The following NRXN1 variants were observed in gnomAD, a reference collection of about 807,000 sequenced individuals.
NRXN1 encodes neurexin 1, also known as neurexin-1.
Under a neutral mutation model 150.9 loss-of-function variants are expected in NRXN1, and 39 were observed. The ratio of observed to expected loss-of-function variants is 0.26; its 90% CI spans 0.20 to 0.34. The LOEUF is 0.34. Ranked by LOEUF, NRXN1 falls within the 10% of genes least tolerant of loss-of-function variation. The probability of loss-of-function intolerance (pLI) is 1.00; values close to 1 mark genes in which losing one functional copy is unlikely to be tolerated. For synonymous variants in NRXN1, 924 were observed against 757.0 expected (o/e 1.22, Z -3.62); for missense variants, 1,815 against 1,949.9 (o/e 0.93, Z 1.30).
At chr2:50,040,359 A>G (rs1338877799) in intron 21 of NRXN1, among the ~76,000 whole-genome samples, 1 of 150,658 alleles carries the variant, frequency 6.6e-6, no homozygotes, top group East Asian at 1.9e-4. Flanking sequence ...AATATATATC[A>G]AGTATTATAT....
At chr2:50,193,197 A>G (rs1036387436) in intron 18 of NRXN1, among the ~76,000 whole-genome samples, 1 of 152,124 alleles carries the variant, frequency 6.6e-6, no homozygotes, top group Non-Finnish European at 1.5e-5. Flanking sequence ...ATCCTTCCAT[A>G]TCCTCATCAT....
intron 9 of NRXN1, among the ~76,000 whole-genome samples, chr2:50,550,485 T>A (rs1667279024): frequency 6.6e-6 from 1 of 152,014 alleles, no homozygotes; most frequent in Non-Finnish European, 1.5e-5. Context: ...ATCCACAAGC[T>A]AATATTTCAA....
At chr2:50,042,977 G>A (rs577197524) in intron 21 of NRXN1, among the ~76,000 whole-genome samples, 4 of 152,144 alleles carry the variant, frequency 2.6e-5, no homozygotes, top group South Asian at 2.1e-4. Context: ...AGGTACAGTC[G>A]CAAAACAAGA....
At chr2:50,632,417 A>T (rs1220081934) in intron 5 of NRXN1, 2 of 152,068 alleles carry the variant, frequency 1.3e-5, no homozygotes, top group Non-Finnish European at 2.9e-5. Context: ...AGAGTTGGTG[A>T]AAGTGAAATT....
chr2:50,733,621 T>A (rs912438340), intron 5 of NRXN1, among the ~76,000 whole-genome samples: 7 of 152,188 alleles, frequency 4.6e-5, no homozygotes, highest in East Asian at 1.9e-4. Context: ...TTTATTGGGC[T>A]ACCAGAAGTA....
rs556604644 is a variant in NRXN1 at position 50,762,976 on chromosome 2, T to C, written c.833-139361A>G. On this transcript the variant is annotated intron_variant, in intron 5 of 22. Coordinates refer to ENST00000401669, the MANE Select transcript of NRXN1 (RefSeq NM_001330078.2). The stretch of plus-strand genomic sequence containing the variant: ...AGTTGTTGCTCCTGGCTGATTCCTG[T>C]TGTCCCTTTTATAACTAAATAGGCT... 4.6e-5 allele frequency among the ~76,000 whole-genome samples: 7 copies of C among 152,124 alleles called. No homozygotes were observed. The East Asian group carries it at 1.4e-3, about 30-fold the overall frequency.
intron 2 of NRXN1, 37 bp downstream of exon 2, chr2:51,027,465 A>AGGCCCC: frequency 1.3e-6 from 2 of 1,482,422 alleles, no homozygotes; most frequent in South Asian, 2.8e-5. Context: ...AGCCCCGCCC[A>AGGCCCC]GGCCCCGGCC....
chr2:50,983,214 T>C (rs1176840236), intron 2 of NRXN1, among the ~76,000 whole-genome samples: 1 of 152,066 alleles, frequency 6.6e-6, no homozygotes, highest in Non-Finnish European at 1.5e-5. Context: ...TGCTCTTAAT[T>C]GTATATCTCT....
chr2:50,915,697 A>G (rs1184891508), intron 5 of NRXN1, among the ~76,000 whole-genome samples: 2 of 151,464 alleles, frequency 1.3e-5, no homozygotes, highest in East Asian at 3.9e-4. Flanking sequence ...TAAGATAATG[A>G]TACTGTTTTT....
At chr2:50,189,316 T>C (rs2061304979) in intron 18 of NRXN1, among the ~76,000 whole-genome samples, 1 of 150,982 alleles carries the variant, frequency 6.6e-6, no homozygotes, top group East Asian at 2.0e-4. Flanking sequence ...AGTTGAACAA[T>C]GAGAACACAT....
chr2:50,743,893 C>A (rs1469443833), intron 5 of NRXN1, among the ~76,000 whole-genome samples: 1 of 152,106 alleles, frequency 6.6e-6, no homozygotes, highest in African/African-American at 2.4e-5. Context: ...TTAATGGAAA[C>A]AGAAAGTTTC....
chr2:50,351,068 A>T (rs2153000883), intron 17 of NRXN1, among the ~76,000 whole-genome samples: 1 of 152,294 alleles, frequency 6.6e-6, no homozygotes, highest in South Asian at 2.1e-4. Flanking sequence ...ATCTGGATGA[A>T]GCAAATAAAG....
chr2:49,940,135 C>T (rs1671721228), intron 22 of NRXN1, among the ~76,000 whole-genome samples: 1 of 152,074 alleles, frequency 6.6e-6, no homozygotes, highest in Admixed American at 6.6e-5. Context: ...TTAGAAAACT[C>T]ATGAGTAAAT....
chr2:50,068,287 C>T (rs962620827), intron 19 of NRXN1, among the ~76,000 whole-genome samples: 4 of 152,026 alleles, frequency 2.6e-5, no homozygotes, highest in South Asian at 2.1e-4. Flanking sequence ...TAATTGCTAG[C>T]CCCATTCAAT....
At chr2:50,501,912 T>C (rs1181512236) in intron 13 of NRXN1, among the ~76,000 whole-genome samples, 1 of 152,142 alleles carries the variant, frequency 6.6e-6, no homozygotes, top group Admixed American at 6.5e-5. Context: ...CTTAAAGATA[T>C]GGGAAAATGT....
chr2:50,853,893 A>C (rs992396762), intron 5 of NRXN1, among the ~76,000 whole-genome samples: 3 of 152,080 alleles, frequency 2.0e-5, no homozygotes, highest in Admixed American at 1.3e-4. Flanking sequence ...TGCCAATATA[A>C]ACTGTTAATT....
intron 5 of NRXN1, among the ~76,000 whole-genome samples, chr2:50,736,751 C>T (rs2352076): frequency 0.046 from 6,962 of 152,166 alleles, 410 homozygotes; most frequent in East Asian, 0.21. Context: ...GTTTGTTAAA[C>T]TTTTTCTTTA....
At chr2:50,570,010 C>A (rs914882877) in intron 8 of NRXN1, among the ~76,000 whole-genome samples, 1 of 152,116 alleles carries the variant, frequency 6.6e-6, no homozygotes, top group South Asian at 2.1e-4. Flanking sequence ...TGCCAATTAA[C>A]GCTGCTCATA....
intron 5 of NRXN1, among the ~76,000 whole-genome samples, chr2:50,746,221 C>T (rs1419786854): frequency 6.6e-6 from 1 of 151,956 alleles, no homozygotes; most frequent in African/African-American, 2.4e-5. Context: ...TCCAAGAGCT[C>T]ACTGGTGTGA....
Sources: allele counts gnomAD v4.1 joint callset (sites outside exome capture counted in the v4.1 genomes callset), GRCh38; gene constraint gnomAD v4.1.1; transcripts MANE v1.5; gene names NCBI Gene and HGNC (gene_info 2026-07-23, HGNC 2026-07-21).